The following GP6 variants were observed in gnomAD, a reference collection of about 807,000 sequenced individuals.
GP6 encodes the protein platelet glycoprotein VI.
In GP6, 45 loss-of-function variants were observed where a neutral mutation model predicts 37.3. The ratio of observed to expected loss-of-function variants is 1.21; its 90% CI spans 0.95 to 1.55. The LOEUF (loss-of-function observed/expected upper bound fraction) is 1.55, where lower values mean the gene tolerates loss of function less well. Ranked by LOEUF, GP6 falls within the 40% of genes most tolerant of loss-of-function variation. The pLI is 0.00. For synonymous variants in GP6, 340 were observed against 316.4 expected (o/e 1.07, Z -0.79); for missense variants, 813 against 760.2 (o/e 1.07, Z -0.82).
At chr19:55,027,928 C>T in intron 3 of GP6, 66 bp from the exon 4 acceptor site, 4 of 1,503,466 alleles carry the variant, frequency 2.7e-6, no homozygotes, top group Admixed American at 1.7e-5. Context: ...CTGGGGAGGT[C>T]CCCACACCTG....
chr19:55,015,784 CT>C (rs751782778), intron 6 of GP6, 51 bp from the exon 7 acceptor site: 36 of 949,300 alleles, frequency 3.8e-5, no homozygotes, highest in South Asian at 7.8e-5. Flanking sequence ...TTCCCGCCCC[CT>C]GTCACTGTGC....
rs771846036 is a variant in GP6, at chr19:55,014,350, G to A, written c.1595C>T (p.Pro532Leu). The A allele has an allele frequency of 3.1e-6, 5 of 1,610,462 alleles. No individual in the cohort carries two copies. The highest frequency in any genetic ancestry group is 2.5e-6 in the Non-Finnish European group (3 of 1,177,046). The change falls in exon 8 of 8, where the codon CCC (proline) becomes CTC (leucine). Residue 532 changes from proline (P) to leucine (L), a missense_variant. Transcript: ENST00000310373. ...GCTGATCTTGTTTTCTAATGTGAAGGGAAGCGGGCAACGTGCTAGTTTTAC... is the reference window on the plus strand; with the variant it reads ...GCTGATCTTGTTTTCTAATGTGAAGAGAAGCGGGCAACGTGCTAGTTTTAC...
intron 5 of GP6, among the ~76,000 whole-genome samples, chr19:55,022,584 T>G (rs2074124097): frequency 6.6e-6 from 1 of 152,226 alleles, no homozygotes; most frequent in Non-Finnish European, 1.5e-5. Flanking sequence ...TGTTTGCAGA[T>G]GACATGATCC....
Position 55,015,054 on chromosome 19 carries a change from T to G in GP6, c.891A>C (p.Glu297Asp), listed in dbSNP as rs749476604. 6 of 1,607,266 alleles carry G rather than the reference T, an allele frequency of 3.7e-6. No individual in the cohort carries two copies. Among genetic ancestry groups the G allele is most frequent in the Non-Finnish European group, 5.1e-6 (6 of 1,177,412 alleles). Residue 297 changes from glutamate (E) to aspartate (D), a missense_variant, in exon 8 of 8, where the codon GAA becomes GAC. Coordinates refer to ENST00000310373, the MANE Select transcript of GP6 (RefSeq NM_001083899.2). ...AGCCCTGCCCCTGTGCCGCAGGCGC[T>G]TCCTCCGGCTGTGCCAGTCCTCTGC...
chr19:55,032,891 A>AGACGCGGTGGG lies in GP6; in HGVS notation c.35-354_35-353insCCCACCGCGTC, dbSNP rs1568640356. On this transcript the variant is annotated intron_variant, in intron 1 of 7. Coordinates refer to ENST00000310373, the MANE Select transcript of GP6 (RefSeq NM_001083899.2). ...GGCTCGTTCGTGTTAGACACGGTGG[A>AGACGCGGTGGG]CTCGTTCGTGTTAGACACGGTGGGC... 85 of 146,294 alleles carry AGACGCGGTGGG rather than the reference A, an allele frequency of 5.8e-4. 6 individuals are homozygous for AGACGCGGTGGG. Among genetic ancestry groups the AGACGCGGTGGG allele is most frequent in the Admixed American group, 1.3e-3 (9 of 6,916 alleles). 9.1% of individuals were successfully genotyped at this position (146,294 alleles called of 1,614,324 possible).
At chr19:55,016,193 C>T (rs1324909012) in intron 6 of GP6, among the ~76,000 whole-genome samples, 1 of 151,818 alleles carries the variant, frequency 6.6e-6, no homozygotes, top group East Asian at 1.9e-4. Context: ...GATTTGAACC[C>T]CAACTCTATC....
At chr19:55,018,847 A>T in intron 5 of GP6, 136 bp from the exon 6 acceptor site, 2 of 733,316 alleles carry the variant, frequency 2.7e-6, no homozygotes, top group Non-Finnish European at 5.1e-6. Context: ...AAGACAGACA[A>T]ATTCGAAAGG....
At chr19:55,033,240 A>G (rs866642010) in intron 1 of GP6, among the ~76,000 whole-genome samples, 13 of 28,520 alleles carry the variant, frequency 4.6e-4, no homozygotes, top group Admixed American at 2.3e-3. Flanking sequence ...CGTGTTAGAC[A>G]CGGTGGACTC....
Position 55,033,259 on chromosome 19 carries a change from TAGACACGGTGGACTCGTTC to T in GP6, c.35-740_35-722del, listed in dbSNP as rs1206093942. 1.4e-4 allele frequency among the ~76,000 whole-genome samples: 15 copies of T among 107,570 alleles called. No individual in the cohort carries two copies. The South Asian group carries it at 2.5e-3, about 18-fold the overall frequency. 70.6% of individuals were successfully genotyped at this position (107,570 alleles called of 152,430 possible). A position where few individuals can be genotyped will look rare whatever the true frequency, so the allele number is the denominator to read the frequency against. On this transcript the variant is annotated intron_variant, in intron 1 of 7. Transcript: ENST00000310373. ...TTAGACACGGTGGACTCGTTCGTGT[TAGACACGGTGGACTCGTTC>T]GTGTTAGACACGGTGGACTCGTTCG...
At chr19:55,033,394 TGTGTTAGACACGGTGGGCTCGTTC>T in intron 1 of GP6, among the ~76,000 whole-genome samples, 1 of 10,736 alleles carries the variant, frequency 9.3e-5, no homozygotes, top group Non-Finnish European at 2.8e-4. Context: ...TCGTTCGTGT[TGTGTTAGACACGGTGGGCTCGTTC>T]GTGTTAGACG....
chr19:55,015,967 A>C (rs1449336138), intron 6 of GP6, among the ~76,000 whole-genome samples: 1 of 151,912 alleles, frequency 6.6e-6, no homozygotes, highest in Non-Finnish European at 1.5e-5. Flanking sequence ...GAAAAACCCT[A>C]TCTCTACAAA....
chr19:55,032,490 C>T lies in GP6; in HGVS notation c.67+16G>A, dbSNP rs779634946. On this transcript the variant is annotated intron_variant, in intron 2 of 7. Coordinates refer to ENST00000310373, the MANE Select transcript of GP6 (RefSeq NM_001083899.2). ...GCGGATCCCGCAGGAGGGAAGGGGT[C>T]TGGGGAAGGACTCACCACTCTGCGC... The T allele has an allele frequency of 1.1e-5, 18 of 1,613,698 alleles. No homozygotes were observed. In the Admixed American group the frequency reaches 1.3e-4, roughly 12 times the overall value.
chr19:55,028,290 A>T (rs984083345), intron 3 of GP6, among the ~76,000 whole-genome samples: 1 of 152,222 alleles, frequency 6.6e-6, no homozygotes, highest in African/African-American at 2.4e-5. Flanking sequence ...TTACGTTGTA[A>T]ATGTGGCTGA....
intron 5 of GP6, among the ~76,000 whole-genome samples, chr19:55,022,054 T>C (rs1250034451): frequency 6.6e-6 from 1 of 152,200 alleles, no homozygotes; most frequent in Non-Finnish European, 1.5e-5. Flanking sequence ...TATTAGACTT[T>C]TGTGAATTGA....
At chr19:55,032,678 A>G in intron 1 of GP6, 140 bp from the exon 2 acceptor site, 1 of 940,690 alleles carries the variant, frequency 1.1e-6, no homozygotes, top group Non-Finnish European at 1.7e-6. Flanking sequence ...CAGGAATGTA[A>G]TTTAAGTGAG....
intron 1 of GP6, 125 bp downstream of exon 1, chr19:55,038,078 A>T: frequency 1.3e-6 from 1 of 788,368 alleles, no homozygotes; most frequent in African/African-American, 1.7e-5. Flanking sequence ...CCAACAAATG[A>T]AGGGGCTCTT....
chr19:55,036,135 GT>G (rs1475278039), intron 1 of GP6, among the ~76,000 whole-genome samples: 2 of 151,438 alleles, frequency 1.3e-5, no homozygotes, highest in African/African-American at 4.9e-5. Context: ...ATTATTCTAA[GT>G]AAAGTAATAC....
intron 3 of GP6, among the ~76,000 whole-genome samples, chr19:55,028,267 C>T (rs921895679): frequency 6.6e-6 from 1 of 152,210 alleles, no homozygotes; most frequent in African/African-American, 2.4e-5. Flanking sequence ...GCTTGTATTG[C>T]CACATACAAT....
At chr19:55,031,261 CCA>C (rs2074550455) in intron 3 of GP6, among the ~76,000 whole-genome samples, 1 of 152,196 alleles carries the variant, frequency 6.6e-6, no homozygotes, top group African/African-American at 2.4e-5. Flanking sequence ...AAAAATTACT[CCA>C]AAACAAAGTT....
Sources: gnomAD v4.1 joint callset for allele counts (sites outside exome capture counted in the v4.1 genomes callset) on GRCh38, gnomAD v4.1.1 for gene constraint, MANE v1.5 for transcripts, NCBI Gene and HGNC (gene_info 2026-07-23, HGNC 2026-07-21) for gene names.